The following ANXA8 variants were observed in gnomAD, a reference collection of about 807,000 sequenced individuals.
ANXA8 encodes the protein annexin A8.
ANXA8 carries 9 observed loss-of-function variants against 26.8 expected under a neutral mutation model. The ratio of observed to expected loss-of-function variants is 0.34; its 90% CI spans 0.20 to 0.59. The LOEUF (loss-of-function observed/expected upper bound fraction) is 0.59. ANXA8 is among the 20% of genes least tolerant of loss of function. The pLI is 0.84. For missense variants in ANXA8, 83 were observed against 238.5 expected (o/e 0.35, Z 4.29); for synonymous variants, 39 against 94.8 (o/e 0.41, Z 3.42).
the ANXA8 span, among the ~76,000 whole-genome samples, chr10:47,572,616 C>T: frequency 1.3e-5 from 2 of 149,296 alleles, no homozygotes; most frequent in Non-Finnish European, 3.0e-5. Flanking sequence ...ACTCAGGAGG[C>T]TAAGGGAGGA....
the ANXA8 span, chr10:47,502,009 T>C: frequency 7.3e-7 from 1 of 1,369,896 alleles, no homozygotes; most frequent in Non-Finnish European, 1.0e-6. Context: ...TTTGAAATTC[T>C]GAGTTATCCT....
chr10:47,939,808 G>C, the ANXA8 span, among the ~76,000 whole-genome samples: 1 of 139,316 alleles, frequency 7.2e-6, no homozygotes, highest in African/African-American at 2.8e-5. Flanking sequence ...CTTTTGTCCA[G>C]CGATCCTTTC....
the ANXA8 span, among the ~76,000 whole-genome samples, chr10:47,771,912 G>T: frequency 1.3e-5 from 2 of 151,118 alleles, no homozygotes; most frequent in Non-Finnish European, 1.5e-5. Context: ...GAAATCTTTT[G>T]GTTACAATTT....
the ANXA8 span, among the ~76,000 whole-genome samples, chr10:47,775,905 A>T: frequency 2.6e-5 from 4 of 151,286 alleles, no homozygotes; most frequent in Non-Finnish European, 4.4e-5. Context: ...TGTCTATCCA[A>T]TTTCTCTTTT....
the ANXA8 span, among the ~76,000 whole-genome samples, chr10:47,671,977 T>C: frequency 2.0e-5 from 3 of 151,888 alleles, no homozygotes; most frequent in Admixed American, 2.0e-4. Flanking sequence ...TTAATTAATA[T>C]CTTTGAAATC....
At chr10:47,711,901 A>T in the ANXA8 span, among the ~76,000 whole-genome samples, 2 of 26,844 alleles carry the variant, frequency 7.5e-5, no homozygotes, top group African/African-American at 2.1e-4. Context: ...ACATTCATTC[A>T]TCCAGCCCCC....
chr10:47,942,590 G>A, the ANXA8 span, among the ~76,000 whole-genome samples: 4 of 142,588 alleles, frequency 2.8e-5, no homozygotes, highest in South Asian at 2.2e-4. Context: ...AGAAATACAC[G>A]TGTTTGGACA....
the ANXA8 span, among the ~76,000 whole-genome samples, chr10:47,577,560 A>G: frequency 2.6e-5 from 3 of 114,044 alleles, no homozygotes; most frequent in African/African-American, 6.8e-5. Context: ...TGTAGTTCCA[A>G]CTACTCATGA....
chr10:47,610,416 T>C, the ANXA8 span, among the ~76,000 whole-genome samples: 1 of 141,466 alleles, frequency 7.1e-6, no homozygotes, highest in Non-Finnish European at 1.5e-5. Context: ...CTTTATTATA[T>C]TTAGCATTTG....
chr10:47,679,386 G>A, the ANXA8 span, among the ~76,000 whole-genome samples: 1 of 152,396 alleles, frequency 6.6e-6, no homozygotes, highest in Non-Finnish European at 1.5e-5. Context: ...GGGATGCTGA[G>A]GCCCGGAGTT....
chr10:47,648,208 C>A, the ANXA8 span, among the ~76,000 whole-genome samples: 1 of 148,400 alleles, frequency 6.7e-6, no homozygotes, highest in Non-Finnish European at 1.5e-5. Context: ...CTTCCATTCT[C>A]TTGCCTATGT....
the ANXA8 span, among the ~76,000 whole-genome samples, chr10:47,940,890 G>A: frequency 7.0e-6 from 1 of 141,964 alleles, no homozygotes; most frequent in Non-Finnish European, 1.5e-5. Context: ...TCAATAAAAA[G>A]AGAGAAAGAG....
the ANXA8 span, among the ~76,000 whole-genome samples, chr10:47,756,987 G>A: frequency 1.8e-4 from 22 of 124,436 alleles, no homozygotes; most frequent in East Asian, 2.1e-3. Flanking sequence ...AGAACCCTCC[G>A]TAGGGGAGGC....
the ANXA8 span, among the ~76,000 whole-genome samples, chr10:47,985,013 T>A: frequency 2.9e-4 from 42 of 147,084 alleles, no homozygotes; most frequent in Admixed American, 2.4e-3. Context: ...CTGCAAAATA[T>A]TCTGTTAAGA....
the ANXA8 span, among the ~76,000 whole-genome samples, chr10:47,894,488 GACCACACACAC>G: frequency 1.7e-5 from 2 of 118,246 alleles, no homozygotes; most frequent in African/African-American, 7.1e-5. Flanking sequence ...CCACACACTG[GACCACACACAC>G]ACTACACACG....
At chr10:47,489,741 C>T in the ANXA8 span, 2 of 529,000 alleles carry the variant, frequency 3.8e-6, no homozygotes, top group South Asian at 2.1e-5. Context: ...CCGCTGCCCT[C>T]CCAGTCCAGG....
chr10:47,951,889 T>TATATG, the ANXA8 span, among the ~76,000 whole-genome samples: 1 of 144,718 alleles, frequency 6.9e-6, no homozygotes, highest in Non-Finnish European at 1.5e-5. Flanking sequence ...AATCTAGGAA[T>TATATG]ATATGTAGAG....
chr10:47,648,349 T>C, the ANXA8 span, among the ~76,000 whole-genome samples: 69 of 151,044 alleles, frequency 4.6e-4, no homozygotes, highest in African/African-American at 1.6e-3. Context: ...AAGATCAAGA[T>C]TATTAGTAAA....
chr10:47,523,970 TCA>T, the ANXA8 span, among the ~76,000 whole-genome samples: 7 of 146,058 alleles, frequency 4.8e-5, no homozygotes, highest in African/African-American at 2.6e-5. Flanking sequence ...CCCCGACACC[TCA>T]CAGTGCCCCA....
Sources: gnomAD v4.1 joint callset for allele counts (sites outside exome capture counted in the v4.1 genomes callset) on GRCh38, gnomAD v4.1.1 for gene constraint, MANE v1.5 for transcripts, NCBI Gene and HGNC (gene_info 2026-07-23, HGNC 2026-07-21) for gene names.